The following RPA3 variants were observed in gnomAD, a reference collection of about 807,000 sequenced individuals.
RPA3 encodes replication protein A 14 kDa subunit.
RPA3 carries 24 observed loss-of-function variants against 13.7 expected under a neutral mutation model. That is an observed-to-expected ratio of 1.75 (90% CI 1.27 to 2.46). RPA3 has a LOEUF of 2.46. RPA3 is among the 30% of genes most tolerant of loss of function. The probability of loss-of-function intolerance (pLI) is 0.00; values close to 1 mark genes in which losing one functional copy is unlikely to be tolerated. For missense variants in RPA3, 183 were observed against 151.0 expected, an observed-to-expected ratio of 1.21 and a Z score of -1.11; for synonymous variants, 59 against 51.2, an observed-to-expected ratio of 1.15 and a Z score of -0.65.
In RPA3 at chr7:7,693,646, A is replaced by G. The variant is rs148547085; in HGVS notation, c.-1027-6318T>C. Among the ~76,000 whole-genome samples the G allele has an allele frequency of 5.0e-3, 758 of 152,260 alleles. 7 individuals carry two copies. Among genetic ancestry groups the G allele is most frequent in the African/African-American group, 0.017 (720 of 41,570 alleles). On this transcript the variant is annotated intron_variant, in intron 2 of 7. Transcript: ENST00000223129. ...TTTAAAAATTGTTTATTTAAATTCT[A>G]TAACTTTTAGTGGATTGCACAAATT...
At chr7:7,700,937 C>T (rs559890393) in intron 2 of RPA3, among the ~76,000 whole-genome samples, 1 of 152,106 alleles carries the variant, frequency 6.6e-6, no homozygotes, top group African/African-American at 2.4e-5. Context: ...GTAGTCCCAC[C>T]TACATGGAAG....
chr7:7,681,750 G>A (rs189168999), intron 4 of RPA3, among the ~76,000 whole-genome samples: 35 of 152,002 alleles, frequency 2.3e-4, no homozygotes, highest in Middle Eastern at 3.4e-3. Flanking sequence ...TAATTACCAG[G>A]GTTTTCTCCT....
At chr7:7,680,117 A>C (rs924111930) in intron 4 of RPA3, among the ~76,000 whole-genome samples, 1 of 152,090 alleles carries the variant, frequency 6.6e-6, no homozygotes, top group Admixed American at 6.6e-5. Context: ...ATCTTTGTTC[A>C]GATTACTGTC....
chr7:7,698,947 C>G (rs1290967150), intron 2 of RPA3, among the ~76,000 whole-genome samples: 1 of 151,038 alleles, frequency 6.6e-6, no homozygotes, highest in Non-Finnish European at 1.5e-5. Context: ...CTCGACTTCC[C>G]TGGGCTCAGT....
chr7:7,676,994 A>G (rs571352226), intron 4 of RPA3, among the ~76,000 whole-genome samples: 1 of 152,068 alleles, frequency 6.6e-6, no homozygotes, highest in Non-Finnish European at 1.5e-5. Flanking sequence ...CATACTGTAT[A>G]AAATATTCTG....
At chr7:7,650,959 C>G (rs986745123) in intron 4 of RPA3, among the ~76,000 whole-genome samples, 8 of 152,158 alleles carry the variant, frequency 5.3e-5, no homozygotes, top group Non-Finnish European at 7.3e-5. Context: ...TACTCAGGAA[C>G]CAGCAGAATC....
intron 2 of RPA3, among the ~76,000 whole-genome samples, chr7:7,691,403 T>C (rs886590989): frequency 4.6e-5 from 7 of 152,236 alleles, no homozygotes; most frequent in African/African-American, 1.7e-4. Flanking sequence ...AACTTAGAAT[T>C]ACTAAATACA....
At chr7:7,655,491 G>A (rs1457640376) in intron 4 of RPA3, among the ~76,000 whole-genome samples, 1 of 152,172 alleles carries the variant, frequency 6.6e-6, no homozygotes, top group Non-Finnish European at 1.5e-5. Flanking sequence ...TTCCTCCAGA[G>A]TCCTCCCTGG....
chr7:7,699,053 G>A (rs4524695), intron 2 of RPA3, among the ~76,000 whole-genome samples: 4 of 150,806 alleles, frequency 2.7e-5, no homozygotes, highest in South Asian at 2.1e-4. Flanking sequence ...TGTGTGTGGG[G>A]GGGGGGTAGA....
At chr7:7,663,000 G>A (rs894409182) in intron 4 of RPA3, among the ~76,000 whole-genome samples, 14 of 96,856 alleles carry the variant, frequency 1.4e-4, no homozygotes, top group African/African-American at 4.7e-4. Flanking sequence ...AAGTGTGTGA[G>A]TGCTTTGAAA....
At chr7:7,645,237 G>C (rs1785067095) in intron 4 of RPA3, among the ~76,000 whole-genome samples, 1 of 152,054 alleles carries the variant, frequency 6.6e-6, no homozygotes, top group Non-Finnish European at 1.5e-5. Flanking sequence ...GCCTAGGATA[G>C]AGCCTTCAGT....
At chr7:7,717,213 C>T (rs1583770180) in intron 1 of RPA3, among the ~76,000 whole-genome samples, 1 of 152,030 alleles carries the variant, frequency 6.6e-6, no homozygotes, top group East Asian at 1.9e-4. Flanking sequence ...TGCGCCACCA[C>T]GCCCAGCTAA....
At chr7:7,682,077 C>T (rs1217637456) in intron 4 of RPA3, among the ~76,000 whole-genome samples, 3 of 152,066 alleles carry the variant, frequency 2.0e-5, no homozygotes, top group Admixed American at 6.6e-5. Context: ...ATTGGGCAAA[C>T]ACTATTGTAG....
At chr7:7,682,686 G>C (rs1779942956) in intron 4 of RPA3, among the ~76,000 whole-genome samples, 1 of 152,154 alleles carries the variant, frequency 6.6e-6, no homozygotes, top group Non-Finnish European at 1.5e-5. Flanking sequence ...TAAAAAATTA[G>C]AGTGTTTATG....
intron 2 of RPA3, among the ~76,000 whole-genome samples, chr7:7,706,729 G>T (rs1486381351): frequency 6.6e-6 from 1 of 152,174 alleles, no homozygotes; most frequent in African/African-American, 2.4e-5. Context: ...ACTAACTTGC[G>T]TAAGAGTGCG....
At chr7:7,664,530 A>T (rs1018143991) in intron 4 of RPA3, among the ~76,000 whole-genome samples, 2 of 152,156 alleles carry the variant, frequency 1.3e-5, no homozygotes, top group African/African-American at 4.8e-5. Flanking sequence ...TCTGTTGCTT[A>T]TCTACATGGT....
chr7:7,652,182 G>A (rs770896641), intron 4 of RPA3, among the ~76,000 whole-genome samples: 13 of 152,142 alleles, frequency 8.5e-5, no homozygotes, highest in Non-Finnish European at 1.5e-4. Flanking sequence ...TCTTCTTTGT[G>A]GTTCATGCTC....
At chr7:7,650,079 T>G (rs1785190361) in intron 4 of RPA3, among the ~76,000 whole-genome samples, 1 of 152,238 alleles carries the variant, frequency 6.6e-6, no homozygotes, top group Non-Finnish European at 1.5e-5. Flanking sequence ...GCATGCATAT[T>G]AATCTTGAAG....
At chr7:7,676,703 T>A (rs879280964) in intron 4 of RPA3, among the ~76,000 whole-genome samples, 3 of 152,166 alleles carry the variant, frequency 2.0e-5, no homozygotes, top group East Asian at 1.9e-4. Context: ...TAAATGTTTT[T>A]AAAATATTTT....
Sources: allele counts gnomAD v4.1 joint callset (sites outside exome capture counted in the v4.1 genomes callset), GRCh38; gene constraint gnomAD v4.1.1; transcripts MANE v1.5; gene names NCBI Gene and HGNC (gene_info 2026-07-23, HGNC 2026-07-21).